The following CAMKMT variants were observed in gnomAD, a reference collection of about 807,000 sequenced individuals.
CAMKMT encodes the protein calmodulin-lysine N-methyltransferase.
In CAMKMT, 53 loss-of-function variants were observed where a neutral mutation model predicts 48.0. That is an observed-to-expected ratio of 1.10 (90% CI 0.89 to 1.39). The LOEUF (loss-of-function observed/expected upper bound fraction) is 1.39, where lower values mean the gene tolerates loss of function less well. Ranked by LOEUF, CAMKMT falls within the 40% of genes most tolerant of loss-of-function variation. The pLI is 0.00. For synonymous variants in CAMKMT, 165 were observed against 152.3 expected (o/e 1.08, Z -0.61); for missense variants, 428 against 402.7 (o/e 1.06, Z -0.54).
chr2:44,505,692 GA>G, intron 3 of CAMKMT, among the ~76,000 whole-genome samples: 1 of 152,214 alleles, frequency 6.6e-6, no homozygotes, highest in African/African-American at 2.4e-5. Flanking sequence ...GGAAAAGGAG[GA>G]GTTTGTCTTG....
intron 3 of CAMKMT, among the ~76,000 whole-genome samples, chr2:44,662,770 C>T (rs1364281171): frequency 2.0e-5 from 3 of 151,998 alleles, no homozygotes; most frequent in Non-Finnish European, 4.4e-5. Context: ...TGCCATATTG[C>T]CCAGGCTGGT....
intron 3 of CAMKMT, among the ~76,000 whole-genome samples, chr2:44,621,266 C>CAAA (rs10667154): frequency 0.46 from 38,477 of 83,986 alleles, 9,189 homozygotes; most frequent in Non-Finnish European, 0.55. Flanking sequence ...GACTCCATCT[C>CAAA]AAAAAAAAAA....
intron 3 of CAMKMT, among the ~76,000 whole-genome samples, chr2:44,402,144 T>C (rs540969501): frequency 6.6e-6 from 1 of 152,158 alleles, no homozygotes; most frequent in African/African-American, 2.4e-5. Context: ...CTGGCCAACA[T>C]GGTGAAACCC....
intron 3 of CAMKMT, among the ~76,000 whole-genome samples, chr2:44,558,889 T>C (rs1285639564): frequency 6.6e-6 from 1 of 152,080 alleles, no homozygotes; most frequent in African/African-American, 2.4e-5. Context: ...GACACTTGAA[T>C]TACTCATGTA....
chr2:44,662,278 A>C (rs987268702), intron 3 of CAMKMT, among the ~76,000 whole-genome samples: 5 of 152,206 alleles, frequency 3.3e-5, no homozygotes, highest in African/African-American at 1.2e-4. Context: ...CCGTCTTAAA[A>C]GTATGATGCC....
At chr2:44,440,508 C>G (rs950444955) in intron 3 of CAMKMT, among the ~76,000 whole-genome samples, 58 of 152,108 alleles carry the variant, frequency 3.8e-4, no homozygotes, top group African/African-American at 1.3e-3. Flanking sequence ...AAGTCTTAAG[C>G]TGCACTATCC....
rs143306904 is a variant in CAMKMT at position 44,416,013 on chromosome 2, CATT to C, written c.376+25712_376+25714del. 1.6e-3 allele frequency among the ~76,000 whole-genome samples: 239 copies of C among 152,278 alleles called. 2 individuals carry two copies. Among genetic ancestry groups the C allele is most frequent in the Non-Finnish European group, 2.5e-3 (172 of 68,016 alleles). ...TCATGTCAATCTAAATGTGAACTAA[CATT>C]ATTCAAAATCCTTTTAAGATACTGA... On this transcript the variant is annotated intron_variant, in intron 3 of 10. Coordinates refer to ENST00000378494, the MANE Select transcript of CAMKMT (RefSeq NM_024766.5).
At chr2:44,631,782 A>C in intron 3 of CAMKMT, 1 of 352,108 alleles carries the variant, frequency 2.8e-6, no homozygotes, top group Admixed American at 4.7e-5. Context: ...TATTCTTTTT[A>C]CCTCTTTCCT....
At chr2:44,738,360 G>A (rs1679477783) in intron 7 of CAMKMT, among the ~76,000 whole-genome samples, 1 of 152,194 alleles carries the variant, frequency 6.6e-6, no homozygotes, top group Non-Finnish European at 1.5e-5. Flanking sequence ...GTTTTCTGTT[G>A]TTGTTTTAGA....
chr2:44,556,450 C>CTTTTTTTTT (rs1176467214), intron 3 of CAMKMT, among the ~76,000 whole-genome samples: 2 of 50,230 alleles, frequency 4.0e-5, no homozygotes, highest in East Asian at 1.1e-3. Context: ...ATTTTTCTTT[C>CTTTTTTTTT]TTTTTTTTTT....
intron 3 of CAMKMT, among the ~76,000 whole-genome samples, chr2:44,574,037 TG>T (rs1325846822): frequency 6.6e-6 from 1 of 152,246 alleles, no homozygotes; most frequent in East Asian, 1.9e-4. Context: ...GATGAACGTT[TG>T]AATCTACATA....
At chr2:44,443,426 A>G (rs1013476902) in intron 3 of CAMKMT, among the ~76,000 whole-genome samples, 2 of 152,198 alleles carry the variant, frequency 1.3e-5, no homozygotes, top group African/African-American at 2.4e-5. Flanking sequence ...ATGTATGTAT[A>G]TAAGTCCTGT....
chr2:44,719,152 G>A (rs1036808969), intron 7 of CAMKMT, among the ~76,000 whole-genome samples: 2 of 151,928 alleles, frequency 1.3e-5, no homozygotes, highest in East Asian at 1.9e-4. Flanking sequence ...ACTTGCCTCC[G>A]ACAGATATGA....
intron 7 of CAMKMT, among the ~76,000 whole-genome samples, chr2:44,733,520 G>A (rs1022609539): frequency 3.3e-5 from 5 of 152,238 alleles, no homozygotes; most frequent in South Asian, 2.1e-4. Flanking sequence ...TATGCCTGAC[G>A]TTAGGAAGAA....
chr2:44,457,035 T>A (rs1667599438), intron 3 of CAMKMT: 1 of 155,600 alleles, frequency 6.4e-6, no homozygotes, highest in African/African-American at 2.4e-5. Flanking sequence ...TTATTTATAT[T>A]TGTATGTAAG....
At chr2:44,539,901 G>A (rs116224339) in intron 3 of CAMKMT, among the ~76,000 whole-genome samples, 4,323 of 152,212 alleles carry the variant, frequency 0.028, 200 homozygotes, top group African/African-American at 0.098. Context: ...GATGACAAAG[G>A]TGATGGCTTC....
At chr2:44,433,263 C>A (rs1684756137) in intron 3 of CAMKMT, among the ~76,000 whole-genome samples, 1 of 152,066 alleles carries the variant, frequency 6.6e-6, no homozygotes, top group Admixed American at 6.6e-5. Context: ...TTATTTGATT[C>A]CAAGCAAGTA....
intron 3 of CAMKMT, among the ~76,000 whole-genome samples, chr2:44,463,703 G>A (rs1667963101): frequency 1.3e-5 from 2 of 152,140 alleles, no homozygotes; most frequent in Admixed American, 1.3e-4. Flanking sequence ...ACAGGCGCAA[G>A]AGGGAGGAAG....
intron 3 of CAMKMT, among the ~76,000 whole-genome samples, chr2:44,638,186 C>A (rs1030297626): frequency 6.6e-6 from 1 of 152,006 alleles, no homozygotes; most frequent in African/African-American, 2.4e-5. Flanking sequence ...ACTATGGTTT[C>A]ATCTTCTGGA....
Sources: gnomAD v4.1 joint callset for allele counts (sites outside exome capture counted in the v4.1 genomes callset) on GRCh38, gnomAD v4.1.1 for gene constraint, MANE v1.5 for transcripts, NCBI Gene and HGNC (gene_info 2026-07-23, HGNC 2026-07-21) for gene names.